The following MUSK variants were observed in gnomAD, a reference collection of about 807,000 sequenced individuals.
MUSK encodes the protein muscle associated receptor tyrosine kinase, also known as muscle, skeletal receptor tyrosine-protein kinase.
MUSK carries 55 observed loss-of-function variants against 88.7 expected under a neutral mutation model. That is an observed-to-expected ratio of 0.62 (90% CI 0.50 to 0.78). The LOEUF (loss-of-function observed/expected upper bound fraction) is 0.78, where lower values mean the gene tolerates loss of function less well. MUSK is among the 30% of genes least tolerant of loss of function. MUSK has a pLI of 0.00. For missense variants in MUSK, 1,015 were observed against 1,074.3 expected (o/e 0.94, Z 0.77); for synonymous variants, 387 against 391.9 (o/e 0.99, Z 0.15).
intron 3 of MUSK, among the ~76,000 whole-genome samples, chr9:110,689,711 C>CTCTATATAGT (rs2076273278): frequency 3.1e-5 from 1 of 32,704 alleles, no homozygotes; most frequent in Non-Finnish European, 4.9e-5. Context: ...AAATATATAA[C>CTCTATATAGT]TATATATGTT....
rs185970880 is a variant in MUSK, at chr9:110,693,039, G to A, written c.359-2364G>A. Reference sequence around the variant, plus strand: ...GGTACTTACTGTGAGTAAGTAGGTGGGGATCTGCCTATATGCAGGCTTCCC... The same window carrying A: ...GGTACTTACTGTGAGTAAGTAGGTGAGGATCTGCCTATATGCAGGCTTCCC... On this transcript the variant is annotated intron_variant, in intron 3 of 14. Transcript: ENST00000374448. Among the ~76,000 whole-genome samples the A allele has an allele frequency of 8.7e-3, 1,320 of 152,130 alleles. 27 individuals carry two copies. The highest frequency in any genetic ancestry group is 0.017 in the Middle Eastern group (5 of 294).
At chr9:110,716,699 C>A (rs984195569) in intron 5 of MUSK, among the ~76,000 whole-genome samples, 1 of 149,916 alleles carries the variant, frequency 6.7e-6, no homozygotes, top group Non-Finnish European at 1.5e-5. Context: ...GATAAACTCT[C>A]AATAGGCTTT....
chr9:110,669,563 T>C (rs1272891899), intron 1 of MUSK, among the ~76,000 whole-genome samples: 2 of 152,194 alleles, frequency 1.3e-5, no homozygotes, highest in South Asian at 2.1e-4. Flanking sequence ...TGATTTGGCT[T>C]GGCAAGAGAC....
At chr9:110,768,778 G>C (rs2821147) in intron 9 of MUSK, among the ~76,000 whole-genome samples, 44,820 of 151,964 alleles carry the variant, frequency 0.29, 7,717 homozygotes, top group African/African-American at 0.46. Context: ...AAGCATCTCT[G>C]AATGTTATTT....
At chr9:110,723,234 T>TACACACACACAC (rs143582345) in intron 5 of MUSK, among the ~76,000 whole-genome samples, 5,424 of 146,682 alleles carry the variant, frequency 0.037, 125 homozygotes, top group Middle Eastern at 0.055. Flanking sequence ...TACATATACA[T>TACACACACACAC]ACACACACAC....
At chr9:110,723,731 ATTGT>A (rs1406620993) in intron 5 of MUSK, among the ~76,000 whole-genome samples, 4 of 151,926 alleles carry the variant, frequency 2.6e-5, no homozygotes, top group Non-Finnish European at 2.9e-5. Context: ...CTGGCATTTA[ATTGT>A]TTGTTTGTTT....
chr9:110,732,539 C>A (rs902842857), intron 5 of MUSK, among the ~76,000 whole-genome samples: 5 of 151,750 alleles, frequency 3.3e-5, no homozygotes, highest in African/African-American at 1.2e-4. Flanking sequence ...TCTTTTTTAC[C>A]CCCTAATGCT....
chr9:110,680,575 A>G lies in MUSK; in HGVS notation c.80-2099A>G, dbSNP rs1397354745. 3.3e-5 allele frequency among the ~76,000 whole-genome samples: 5 copies of G among 151,618 alleles called. No individual in the cohort carries two copies. In the East Asian group the frequency reaches 7.8e-4, roughly 24 times the overall value. On this transcript the variant is annotated intron_variant, in intron 1 of 14. Transcript: ENST00000374448. ...AATTTTTTGTATTTTTAGTAGAGAC[A>G]GGGTTTCACCATGTTAGCCAGGCTG...
chr9:110,750,345 C>A (rs966195638), intron 7 of MUSK, among the ~76,000 whole-genome samples: 2 of 152,026 alleles, frequency 1.3e-5, no homozygotes, highest in Non-Finnish European at 2.9e-5. Context: ...CTTCTGGACA[C>A]CCCCCACACC....
intron 11 of MUSK, 21 bp downstream of exon 11, chr9:110,776,676 C>T (rs1237990927): frequency 2.5e-6 from 4 of 1,568,648 alleles, no homozygotes; most frequent in Middle Eastern, 3.4e-4. Context: ...GTGTTTGTGC[C>T]CTTGAAACCT....
chr9:110,699,598 T>C (rs1010472044), intron 5 of MUSK, among the ~76,000 whole-genome samples: 36 of 152,266 alleles, frequency 2.4e-4, no homozygotes, highest in African/African-American at 8.7e-4. Flanking sequence ...GAGGTAAGGC[T>C]AACTCAACCT....
At chr9:110,738,040 T>A (rs1186593976) in intron 6 of MUSK, among the ~76,000 whole-genome samples, 1 of 152,170 alleles carries the variant, frequency 6.6e-6, no homozygotes, top group African/African-American at 2.4e-5. Context: ...TTACAGCCCC[T>A]GCTATCTGAA....
At chr9:110,692,590 T>C (rs1275684686) in intron 3 of MUSK, among the ~76,000 whole-genome samples, 2 of 152,130 alleles carry the variant, frequency 1.3e-5, no homozygotes, top group Non-Finnish European at 2.9e-5. Flanking sequence ...TTTCTGCATG[T>C]CTTAATATTC....
At chr9:110,798,903 A>G (rs2078051987) in intron 14 of MUSK, among the ~76,000 whole-genome samples, 1 of 152,144 alleles carries the variant, frequency 6.6e-6, no homozygotes, top group South Asian at 2.1e-4. Context: ...AGAGTGGAAA[A>G]TTTCATTAAA....
chr9:110,715,089 A>T lies in MUSK; in HGVS notation c.628+17623A>T, dbSNP rs189172869. Among the ~76,000 whole-genome samples the T allele has an allele frequency of 2.1e-3, 319 of 149,846 alleles. 8 individuals are homozygous for T. Among genetic ancestry groups the T allele is most frequent in the South Asian group, 6.5e-3 (31 of 4,762 alleles). ...GGATACAGCCAGCTAAAGCAGATTG[A>T]CGTTACAAAATAAAATAAAGCCTTC... is the stretch of plus-strand genomic sequence containing the variant. On this transcript the variant is annotated intron_variant, in intron 5 of 14. Coordinates refer to ENST00000374448, the MANE Select transcript of MUSK (RefSeq NM_005592.4).
rs2076418575 is a variant in MUSK at position 110,695,421 on chromosome 9, C to T, written c.377C>T (p.Pro126Leu). 5 of 1,517,034 alleles carry T rather than the reference C, an allele frequency of 3.3e-6. No individual in the cohort carries two copies. The highest frequency in any genetic ancestry group is 1.3e-5 in the South Asian group (1 of 78,452). 94.0% of individuals were successfully genotyped at this position (1,517,034 alleles called of 1,614,324 possible). The change falls in exon 4 of 15, where the codon CCT becomes CTT. Residue 126 changes from proline (P) to leucine (L), a missense_variant. Pro to Leu is a moderately conservative substitution (Grantham distance 98). Coordinates refer to ENST00000374448, the MANE Select transcript of MUSK (RefSeq NM_005592.4). ...TTTTTAGAACCTAAAATAACTCGTC[C>T]TCCCATAAATGTGAAAATAATAGAG... ...QVKMKPKITR[P>L]PINVKIIEGL...
chr9:110,728,777 A>G, intron 5 of MUSK: 3 of 1,412,246 alleles, frequency 2.1e-6, no homozygotes, highest in Middle Eastern at 1.9e-4. Context: ...TCAATTGTTT[A>G]TTTTTGTTGA....
intron 5 of MUSK, among the ~76,000 whole-genome samples, chr9:110,712,633 G>A (rs147426124): frequency 1.3e-5 from 2 of 152,118 alleles, no homozygotes; most frequent in African/African-American, 2.4e-5. Flanking sequence ...AGTGACCCAT[G>A]AACCACACTT....
intron 3 of MUSK, among the ~76,000 whole-genome samples, chr9:110,689,759 A>AT (rs1564218100): frequency 2.8e-5 from 1 of 35,960 alleles, no homozygotes; most frequent in Non-Finnish European, 5.3e-5. Context: ...ATTATATATA[A>AT]ACTATATATA....
Sources: allele counts gnomAD v4.1 joint callset (sites outside exome capture counted in the v4.1 genomes callset), GRCh38; gene constraint gnomAD v4.1.1; transcripts MANE v1.5; gene names NCBI Gene and HGNC (gene_info 2026-07-23, HGNC 2026-07-21).